Variants in DPP10 observed in about 807,000 individuals in gnomAD.
DPP10 encodes the protein dipeptidyl peptidase like 10, also known as inactive dipeptidyl peptidase 10.
A neutral mutation model predicts 120.9 loss-of-function variants in DPP10; 33 were observed. That is an observed-to-expected ratio of 0.27 (90% CI 0.21 to 0.37). DPP10 has a LOEUF of 0.37. Ranked by LOEUF, DPP10 falls within the 10% of genes least tolerant of loss-of-function variation. The probability of loss-of-function intolerance (pLI) is 1.00; values close to 1 mark genes in which losing one functional copy is unlikely to be tolerated. For synonymous variants in DPP10, 337 were observed against 326.1 expected (o/e 1.03, Z -0.36); for missense variants, 816 against 942.8 (o/e 0.87, Z 1.76).
rs115398704 is a variant in DPP10, at chr2:114,780,130, C to T, written c.60+337292C>T. On this transcript the variant is annotated intron_variant, in intron 1 of 25. Transcript: ENST00000410059. Reference sequence around the variant, plus strand: ...CAGCCTGGGTGACAAAGCGAGACTGCGTCTCAAAAAAGAAAGGAGGGAAAG... The same window carrying T: ...CAGCCTGGGTGACAAAGCGAGACTGTGTCTCAAAAAAGAAAGGAGGGAAAG... Among the ~76,000 whole-genome samples, 1,031 of 149,836 alleles carry T rather than the reference C, an allele frequency of 6.9e-3. 10 individuals are homozygous for T. Among genetic ancestry groups the T allele is most frequent in the Middle Eastern group, 0.015 (4 of 270 alleles).
intron 1 of DPP10, among the ~76,000 whole-genome samples, chr2:114,948,669 T>G (rs1299195826): frequency 6.6e-6 from 1 of 152,208 alleles, no homozygotes; most frequent in African/African-American, 2.4e-5. Flanking sequence ...ATCTTGCTTG[T>G]TTTTTGTTAC....
intron 1 of DPP10, among the ~76,000 whole-genome samples, chr2:114,852,785 G>A (rs894758460): frequency 7.9e-5 from 12 of 151,836 alleles, no homozygotes; most frequent in African/African-American, 2.7e-4. Flanking sequence ...TCTAACACCC[G>A]GCACATAGAA....
intron 3 of DPP10, among the ~76,000 whole-genome samples, chr2:115,420,101 A>G (rs1340120153): frequency 6.6e-6 from 1 of 152,164 alleles, no homozygotes; most frequent in African/African-American, 2.4e-5. Flanking sequence ...TTTATGAAAT[A>G]TTTCGGTCCA....
chr2:115,298,676 CA>C (rs2060994407), intron 1 of DPP10, among the ~76,000 whole-genome samples: 1 of 152,006 alleles, frequency 6.6e-6, no homozygotes, highest in East Asian at 1.9e-4. Context: ...GACTTCAGCA[CA>C]TAGTAGAGCC....
intron 14 of DPP10, 76 bp from the exon 15 acceptor site, chr2:115,777,711 G>A (rs1263569865): frequency 6.8e-7 from 1 of 1,468,370 alleles, no homozygotes; most frequent in African/African-American, 1.4e-5. Context: ...GATTCAATGT[G>A]ACAATGTGAC....
intron 1 of DPP10, among the ~76,000 whole-genome samples, chr2:115,185,056 TA>T (rs2054336614): frequency 6.6e-6 from 1 of 152,040 alleles, no homozygotes; most frequent in Non-Finnish European, 1.5e-5. Flanking sequence ...TGCTGTGTTA[TA>T]AAATTAGTTT....
intron 3 of DPP10, among the ~76,000 whole-genome samples, chr2:115,393,045 G>T (rs181145410): frequency 5.9e-5 from 9 of 152,194 alleles, no homozygotes; most frequent in African/African-American, 2.2e-4. Context: ...GGGTGCGGTG[G>T]CTCATACCTC....
chr2:115,678,055 T>C (rs1231962212), intron 5 of DPP10, among the ~76,000 whole-genome samples: 1 of 152,236 alleles, frequency 6.6e-6, no homozygotes, highest in Non-Finnish European at 1.5e-5. Flanking sequence ...AACTCAAAAT[T>C]ATATCAAGTA....
intron 1 of DPP10, among the ~76,000 whole-genome samples, chr2:115,075,834 G>T (rs548848324): frequency 6.6e-6 from 1 of 151,958 alleles, no homozygotes; most frequent in Non-Finnish European, 1.5e-5. Context: ...CAGGGGCAGT[G>T]AGTCCATTTA....
At chr2:114,735,238 A>G (rs1677305773) in intron 1 of DPP10, among the ~76,000 whole-genome samples, 1 of 152,212 alleles carries the variant, frequency 6.6e-6, no homozygotes, top group African/African-American at 2.4e-5. Context: ...CAACAGTGAG[A>G]AAAAGCAGAA....
At chr2:114,753,461 A>G (rs71418517) in intron 1 of DPP10, among the ~76,000 whole-genome samples, 21,413 of 152,146 alleles carry the variant, frequency 0.14, 2,227 homozygotes, top group African/African-American at 0.29. Context: ...AGGATTAAAC[A>G]AGCTATCACT....
chr2:115,157,569 G>A (rs2052005435), intron 1 of DPP10, among the ~76,000 whole-genome samples: 1 of 152,130 alleles, frequency 6.6e-6, no homozygotes, highest in Non-Finnish European at 1.5e-5. Flanking sequence ...TCCTGTTATA[G>A]TTTACTGGTT....
chr2:115,284,608 C>T (rs2060291026), intron 1 of DPP10, among the ~76,000 whole-genome samples: 2 of 151,914 alleles, frequency 1.3e-5, no homozygotes, highest in African/African-American at 4.8e-5. Flanking sequence ...TAAATATATT[C>T]TTATTGCTGT....
In DPP10 at chr2:115,724,350, T is replaced by G. The variant is rs1440527801; in HGVS notation, c.577-3466T>G. Among the ~76,000 whole-genome samples the G allele has an allele frequency of 5.3e-5, 8 of 152,176 alleles. No individual in the cohort carries two copies. In the East Asian group the frequency reaches 5.8e-4, roughly 11 times the overall value. Reference sequence around the variant, plus strand: ...CTGGTAGTTGTGGCAGAAGAGAAGGTGGCAAATTAAAAATTGACTCTTAAA... The same window carrying G: ...CTGGTAGTTGTGGCAGAAGAGAAGGGGGCAAATTAAAAATTGACTCTTAAA... On this transcript the variant is annotated intron_variant, in intron 7 of 25. Transcript: ENST00000410059.
chr2:114,823,272 C>G (rs544340859), intron 1 of DPP10, among the ~76,000 whole-genome samples: 1 of 152,040 alleles, frequency 6.6e-6, no homozygotes, highest in Non-Finnish European at 1.5e-5. Context: ...CCAAACAAAA[C>G]GGGAAGCCCT....
intron 1 of DPP10, among the ~76,000 whole-genome samples, chr2:114,508,552 T>C (rs1683870295): frequency 6.6e-6 from 1 of 152,178 alleles, no homozygotes; most frequent in African/African-American, 2.4e-5. Flanking sequence ...TATAAACACT[T>C]GATTGCAAGC....
At chr2:114,670,333 C>T (rs370098035) in intron 1 of DPP10, among the ~76,000 whole-genome samples, 58 of 152,198 alleles carry the variant, frequency 3.8e-4, no homozygotes, top group Admixed American at 1.2e-3. Flanking sequence ...ATATACACCA[C>T]GGAATACTAT....
chr2:114,625,703 C>A (rs1393524429), intron 1 of DPP10, among the ~76,000 whole-genome samples: 2 of 151,966 alleles, frequency 1.3e-5, no homozygotes, highest in Non-Finnish European at 2.9e-5. Context: ...TATCTGAGAA[C>A]ACCAAGCTTA....
chr2:114,785,677 C>T (rs537868771), intron 1 of DPP10, among the ~76,000 whole-genome samples: 2 of 152,082 alleles, frequency 1.3e-5, no homozygotes, highest in South Asian at 2.1e-4. Flanking sequence ...GTAGAGGGGC[C>T]CTGGGAGTTT....
Sources: gnomAD v4.1 joint callset for allele counts (sites outside exome capture counted in the v4.1 genomes callset) on GRCh38, gnomAD v4.1.1 for gene constraint, MANE v1.5 for transcripts, NCBI Gene and HGNC (gene_info 2026-07-23, HGNC 2026-07-21) for gene names.